Variants in HECTD4 observed in about 807,000 individuals in gnomAD.
HECTD4 encodes the protein probable E3 ubiquitin-protein ligase HECTD4.
In HECTD4, 114 loss-of-function variants were observed where a neutral mutation model predicts 471.5. That is an observed-to-expected ratio of 0.24 (90% confidence interval 0.21 to 0.28). The LOEUF is 0.28. Among genes scored for constraint, HECTD4 ranks in the 10% least tolerant of loss-of-function variants. The pLI is 1.00. For synonymous variants in HECTD4, 2,012 were observed against 2,256.0 expected (o/e 0.89, Z 3.07); for missense variants, 3,866 against 5,651.5 (o/e 0.68, Z 10.13).
rs747564839 is a variant in HECTD4 at position 112,184,314 on chromosome 12, C to T, written c.10652G>A (p.Ser3551Asn). ...TGCATTGTCCAGGGGCTCCCCCAGG[C>T]TGCCCAGGCTGCCCAGGCTGCCGGT... ...CSTGSLGSLG[S>N]LGEPLDNAET... Residue 3551 changes from serine to asparagine, a missense_variant, in exon 61 of 76, where the codon AGC becomes AAC. Physicochemically the swap from Ser to Asn is conservative, Grantham distance 46. Transcript: ENST00000682272. This position sits in a 1 kb window ranked among gnomAD's most constrained non-coding sequence, Gnocchi z 9.1. 6.2e-6 allele frequency: 10 copies of T among 1,612,058 alleles called. No homozygotes were observed. The highest frequency in any genetic ancestry group is 2.5e-6 in the Non-Finnish European group (3 of 1,179,264).
Position 112,185,217 on chromosome 12 carries a change from A to C in HECTD4, c.9749T>G (p.Phe3250Cys). 1 of 1,551,280 alleles carries C rather than the reference A, an allele frequency of 6.4e-7. No homozygotes were observed. Among genetic ancestry groups the C allele is most frequent in the Non-Finnish European group, 8.7e-7 (1 of 1,146,962 alleles). Residue 3250 changes from phenylalanine (F) to cysteine (C), a missense_variant, in exon 61 of 76, where the codon TTC (phenylalanine) becomes TGC (cysteine). By Grantham distance (205) the Phe-to-Cys change is radical. Around this residue, in one of 16 missense-constraint regions of HECTD4, gnomAD observed 364 missense variants for 413.2 expected, o/e 0.88. Transcript: ENST00000682272. ...GGAAAGDQGR[F>C]STYFHALMEG... The stretch of plus-strand genomic sequence containing the variant: ...CATGAGTGCATGAAAATACGTAGAG[A>C]ACCTGCCCTGGTCACCGGCCGCCGC...
intron 1 of HECTD4, among the ~76,000 whole-genome samples, chr12:112,376,725 A>G (rs544394045): frequency 2.0e-5 from 3 of 152,164 alleles, no homozygotes; most frequent in African/African-American, 7.2e-5. Context: ...TCGTCTCTGT[A>G]TGGGATGTTC....
intron 1 of HECTD4, among the ~76,000 whole-genome samples, chr12:112,325,771 T>A (rs2035729190): frequency 6.6e-6 from 1 of 151,998 alleles, no homozygotes; most frequent in Non-Finnish European, 1.5e-5. Context: ...ACAGCCTTCA[T>A]GTATTTTTTT....
chr12:112,294,633 T>C (rs1049635743), intron 7 of HECTD4, among the ~76,000 whole-genome samples: 1 of 152,126 alleles, frequency 6.6e-6, no homozygotes, highest in African/African-American at 2.4e-5. Flanking sequence ...CCTCCCTACC[T>C]TACCCTCAAC....
rs145958268 is a variant in HECTD4 at position 112,352,803 on chromosome 12, C to T, written c.177+29149G>A. Among the ~76,000 whole-genome samples the T allele has an allele frequency of 1.5e-3, 221 of 151,516 alleles. 2 individuals are homozygous for T. The highest frequency in any genetic ancestry group is 4.9e-3 in the African/African-American group (201 of 41,278). ...TTGATTTTTTGTAGAGACAGAGTCTCGCTATGTTGCCAGGGCTGGTCTCGA... is the reference window on the plus strand; with the variant it reads ...TTGATTTTTTGTAGAGACAGAGTCTTGCTATGTTGCCAGGGCTGGTCTCGA... On this transcript the variant is annotated intron_variant, in intron 1 of 75. Transcript: ENST00000682272.
chr12:112,223,785 G>C (rs1157811323), intron 44 of HECTD4, among the ~76,000 whole-genome samples: 2 of 152,106 alleles, frequency 1.3e-5, no homozygotes, highest in Non-Finnish European at 2.9e-5. Context: ...ATGGAATCTG[G>C]TACTGTCTTC....
At chr12:112,170,501 T>G in intron 68 of HECTD4, 49 bp from the exon 69 acceptor site, 1 of 1,597,650 alleles carries the variant, frequency 6.3e-7, no homozygotes, top group Non-Finnish European at 8.5e-7. Context: ...TGTCCCTTCC[T>G]TCCCAGTCCC....
At chr12:112,376,458 G>A (rs1390826992) in intron 1 of HECTD4, among the ~76,000 whole-genome samples, 1 of 152,092 alleles carries the variant, frequency 6.6e-6, no homozygotes, top group Non-Finnish European at 1.5e-5. Flanking sequence ...GTGTTAGCCA[G>A]GATGGTCTCG....
intron 62 of HECTD4, among the ~76,000 whole-genome samples, chr12:112,181,370 T>A (rs2031663154): frequency 6.6e-6 from 1 of 152,220 alleles, no homozygotes; most frequent in Admixed American, 6.5e-5. Flanking sequence ...TTTCTCTTAC[T>A]GACTGAGTTT....
rs1017728571 is a variant in HECTD4 at position 112,319,882 on chromosome 12, G to A, written c.178-140C>T. 5.2e-6 allele frequency: 3 copies of A among 576,194 alleles called. No homozygotes were observed. The highest frequency in any genetic ancestry group is 7.7e-6 in the Non-Finnish European group (3 of 389,058). 35.7% of individuals were successfully genotyped at this position (576,194 alleles called of 1,614,324 possible). A position where few individuals can be genotyped will look rare whatever the true frequency, so the allele number is the denominator to read the frequency against. On this transcript the variant is annotated intron_variant, in intron 1 of 75. Transcript: ENST00000682272. This position sits in a 1 kb window ranked among gnomAD's most constrained non-coding sequence, Gnocchi z 5.3. ...TACAATCAAATGGAAAACGTATACTGTAAAGCCAGCTCTTTGCTGATGGAA... is the reference window on the plus strand; with the variant it reads ...TACAATCAAATGGAAAACGTATACTATAAAGCCAGCTCTTTGCTGATGGAA...
At chr12:112,369,836 A>G (rs750059247) in intron 1 of HECTD4, among the ~76,000 whole-genome samples, 6 of 152,204 alleles carry the variant, frequency 3.9e-5, no homozygotes, top group Non-Finnish European at 1.5e-5. Context: ...TCAGGTGTGC[A>G]TGAGCAGGCA....
intron 1 of HECTD4, among the ~76,000 whole-genome samples, chr12:112,331,499 C>T (rs961117989): frequency 1.3e-5 from 2 of 152,206 alleles, no homozygotes; most frequent in Admixed American, 1.3e-4. Context: ...CATTTTACTT[C>T]AGGTCTCTCA....
rs1334360827 is a variant in HECTD4, at chr12:112,231,682, C to T, written c.6031G>A (p.Ala2011Thr). Residue 2011 changes from alanine to threonine, a missense_variant, in exon 39 of 76, where the codon GCA (alanine) becomes ACA (threonine). Around this residue, in one of 16 missense-constraint regions of HECTD4, gnomAD observed 617 missense variants for 915.1 expected, o/e 0.67. Transcript: ENST00000682272. ...TTGGTGGCTTTCCGCAGGGCGGCTGCAGCCTCTTCTGTAATCACTTCGCAA... is the reference window on the plus strand; with the variant it reads ...TTGGTGGCTTTCCGCAGGGCGGCTGTAGCCTCTTCTGTAATCACTTCGCAA... The part of the protein sequence containing the change: ...GCCEVITEEA[A>T]AALRKATKWA... The T allele has an allele frequency of 1.2e-6, 2 of 1,612,738 alleles. No homozygotes were observed. Among genetic ancestry groups the T allele is most frequent in the Non-Finnish European group, 1.7e-6 (2 of 1,179,814 alleles).
At chr12:112,218,243 T>C (rs2032984027) in intron 45 of HECTD4, among the ~76,000 whole-genome samples, 1 of 152,172 alleles carries the variant, frequency 6.6e-6, no homozygotes, top group African/African-American at 2.4e-5. Flanking sequence ...TTAATATTTA[T>C]GGGTACATGG....
At position 112,306,084 on chromosome 12, in the gene HECTD4, T is replaced by C. The variant is rs1241430597; in HGVS notation, c.1315A>G (p.Met439Val). 3 of 1,604,256 alleles carry C rather than the reference T, an allele frequency of 1.9e-6. No individual in the cohort carries two copies. The highest frequency in any genetic ancestry group is 2.5e-6 in the Non-Finnish European group (3 of 1,177,300). Residue 439 changes from methionine to valine, a missense_variant, in exon 7 of 76, where the codon ATG becomes GTG. This residue lies in a region of HECTD4 where 440 missense variants were observed against 636.0 expected (regional missense o/e 0.69). Transcript: ENST00000682272. ...EKTPKGHSVF[M>V]DIFELVVENG... ...CTTACCACAAGTTCAAAAATGTCCA[T>C]GAAGACAGAATGTCCCTTCGGTGTT...
chr12:112,239,021 G>C lies in HECTD4; in HGVS notation c.5290+31C>G. The C allele has an allele frequency of 1.3e-6, 2 of 1,562,862 alleles. No homozygotes were observed. The highest frequency in any genetic ancestry group is 1.7e-6 in the Non-Finnish European group (2 of 1,157,056). On this transcript the variant is annotated intron_variant, in intron 34 of 75. Transcript: ENST00000682272. This position sits in a 1 kb window ranked among gnomAD's most constrained non-coding sequence, Gnocchi z 4.9. Reference sequence around the variant, plus strand: ...ACTAACACACCAATAGAAGAAATCAGTGAGCTCTAGAAAGGAGTCTGGCAT... The same window carrying C: ...ACTAACACACCAATAGAAGAAATCACTGAGCTCTAGAAAGGAGTCTGGCAT...
chr12:112,184,993 A>G lies in HECTD4; in HGVS notation c.9973T>C (p.Ser3325Pro). Residue 3325 changes from serine to proline, a missense_variant, in exon 61 of 76, where the codon TCG becomes CCG. Ser to Pro is a moderately conservative substitution (Grantham distance 74). Around this residue, in one of 16 missense-constraint regions of HECTD4, gnomAD observed 57 missense variants for 49.8 expected, o/e 1.14. Transcript: ENST00000682272. This position sits in a 1 kb window ranked among gnomAD's most constrained non-coding sequence, Gnocchi z 9.1. ...GTGCGGGAAGACTGGCGCTTGCCCG[A>G]CGAGGAGGCCTTTTCCCGCTTCATC... ...VKMKREKASS[S>P]GKRQSSRTVD... The G allele has an allele frequency of 6.2e-7, 1 of 1,611,872 alleles. No homozygotes were observed. Among genetic ancestry groups the G allele is most frequent in the Non-Finnish European group, 8.5e-7 (1 of 1,179,082 alleles).
intron 1 of HECTD4, among the ~76,000 whole-genome samples, chr12:112,371,104 C>A (rs141646976): frequency 6.6e-6 from 1 of 152,246 alleles, no homozygotes; most frequent in African/African-American, 2.4e-5. Flanking sequence ...TGACCACCCA[C>A]CCAGCAGCTC....
chr12:112,204,764 A>G, intron 52 of HECTD4, 141 bp from the exon 53 acceptor site: 1 of 659,588 alleles, frequency 1.5e-6, no homozygotes, highest in Non-Finnish European at 2.6e-6. Context: ...GGCGAAGGAA[A>G]TTGTGCAGTA....
Sources: allele counts gnomAD v4.1 joint callset (sites outside exome capture counted in the v4.1 genomes callset), GRCh38; gene constraint gnomAD v4.1.1; regional missense constraint gnomAD v4.1.1; non-coding constraint Gnocchi (gnomAD v3.1); transcripts MANE v1.5; gene names NCBI Gene and HGNC (gene_info 2026-07-23, HGNC 2026-07-21).